The following CYP7B1 variants were observed in gnomAD, a reference collection of about 807,000 sequenced individuals.
CYP7B1 encodes cytochrome P450 family 7 subfamily B member 1, also known as cytochrome P450 7B1.
A neutral mutation model predicts 42.7 loss-of-function variants in CYP7B1; 29 were observed. That is an observed-to-expected ratio of 0.68 (90% CI 0.51 to 0.93). The LOEUF is 0.93. CYP7B1 is among the 40% of genes least tolerant of loss of function. The pLI, the probability that CYP7B1 is intolerant of heterozygous loss-of-function variation, is 0.00. For missense variants in CYP7B1, 655 were observed against 600.5 expected, an observed-to-expected ratio of 1.09 and a Z score of -0.95; for synonymous variants, 235 against 218.2, an observed-to-expected ratio of 1.08 and a Z score of -0.68.
At chr8:64,792,808 G>A (rs1056859956) in intron 1 of CYP7B1, among the ~76,000 whole-genome samples, 5 of 152,182 alleles carry the variant, frequency 3.3e-5, no homozygotes, top group African/African-American at 1.2e-4. Flanking sequence ...TGGACTTTGA[G>A]CTGATACTGT....
intron 1 of CYP7B1, among the ~76,000 whole-genome samples, chr8:64,770,254 T>A (rs566460217): frequency 2.6e-5 from 4 of 151,998 alleles, no homozygotes; most frequent in South Asian, 2.1e-4. Flanking sequence ...CAAAAAAAAA[T>A]TTGGAAAAAA....
chr8:64,792,834 T>G (rs1804641840), intron 1 of CYP7B1, among the ~76,000 whole-genome samples: 1 of 152,084 alleles, frequency 6.6e-6, no homozygotes, highest in Non-Finnish European at 1.5e-5. Context: ...GGTTAAGAAT[T>G]TTGGGTCTAT....
rs569189527 is a variant in CYP7B1, at chr8:64,749,870, AATATG to A, written c.122+48591_122+48595del. Among the ~76,000 whole-genome samples, 15 of 152,312 alleles carry A rather than the reference AATATG, an allele frequency of 9.8e-5. 1 individual carries two copies. In the East Asian group the frequency reaches 2.9e-3, roughly 29 times the overall value. On this transcript the variant is annotated intron_variant, in intron 1 of 5. Transcript: ENST00000310193. ...AGGAAGCTCAATATCTCTAGGGGAA[AATATG>A]ATACGGGAGTTGGAAATCCTCCACT...
rs1205743175 is a variant in CYP7B1 at position 64,615,048 on chromosome 8, T to C, written c.1035A>G (p.Gln345=). 1 of 1,613,544 alleles carries C rather than the reference T, an allele frequency of 6.2e-7. No homozygotes were observed. The highest frequency in any genetic ancestry group is 8.5e-7 in the Non-Finnish European group (1 of 1,179,726). The change falls in exon 4 of 6, where the codon CAA becomes CAG. Residue 345 remains glutamine, a synonymous_variant. Coordinates refer to ENST00000310193, the MANE Select transcript of CYP7B1 (RefSeq NM_004820.5). ...TACCTAGGCAGATTAGGCTGTCCAA[T>C]TGTTCTCTGGTGAGGTGGATGGGAA... ...SGFPIHLTRE[Q]LDSLICLESS...
intron 1 of CYP7B1, among the ~76,000 whole-genome samples, chr8:64,759,691 T>C (rs1007950433): frequency 2.0e-5 from 3 of 152,208 alleles, no homozygotes; most frequent in Non-Finnish European, 4.4e-5. Flanking sequence ...AAATTCTTTA[T>C]TTTACAGATA....
intron 1 of CYP7B1, among the ~76,000 whole-genome samples, chr8:64,636,116 A>T (rs1805766720): frequency 6.6e-6 from 1 of 152,194 alleles, no homozygotes; most frequent in Non-Finnish European, 1.5e-5. Context: ...CACACCACTC[A>T]AGTGCCTTTC....
intron 1 of CYP7B1, among the ~76,000 whole-genome samples, chr8:64,643,130 T>TATATAC (rs1805886956): frequency 7.6e-6 from 1 of 131,126 alleles, no homozygotes; most frequent in Admixed American, 8.7e-5. Context: ...CATATATACA[T>TATATAC]ATATATACAT....
At chr8:64,654,926 A>T (rs529062076) in intron 1 of CYP7B1, among the ~76,000 whole-genome samples, 1 of 152,172 alleles carries the variant, frequency 6.6e-6, no homozygotes, top group Admixed American at 6.5e-5. Context: ...TGAGGAAAAC[A>T]TTCCCTCCTC....
chr8:64,771,432 T>C (rs1344569614), intron 1 of CYP7B1, among the ~76,000 whole-genome samples: 1 of 152,220 alleles, frequency 6.6e-6, no homozygotes, highest in Non-Finnish European at 1.5e-5. Context: ...GTTTGGAGTC[T>C]ACACGTTTTG....
At chr8:64,776,909 G>A (rs1181627082) in intron 1 of CYP7B1, among the ~76,000 whole-genome samples, 2 of 151,940 alleles carry the variant, frequency 1.3e-5, no homozygotes, top group African/African-American at 2.4e-5. Context: ...ATACCTCCTT[G>A]GTTCAATCAT....
At chr8:64,662,089 C>T (rs963942716) in intron 1 of CYP7B1, among the ~76,000 whole-genome samples, 1 of 151,470 alleles carries the variant, frequency 6.6e-6, no homozygotes, top group Admixed American at 6.6e-5. Flanking sequence ...TCAACTTTAC[C>T]CCTATAAAGA....
At chr8:64,588,903 A>G (rs1355266723), downstream of CYP7B1, among the ~76,000 whole-genome samples, 2 of 152,254 alleles carry the variant, frequency 1.3e-5, no homozygotes, top group Admixed American at 6.5e-5. Flanking sequence ...ATATCTATCT[A>G]TTAAATGCCT....
downstream of CYP7B1, among the ~76,000 whole-genome samples, chr8:64,588,009 G>C (rs1445999410): frequency 6.6e-6 from 1 of 152,142 alleles, no homozygotes; most frequent in African/African-American, 2.4e-5. Context: ...CTTTCCCAAA[G>C]ACCACAGTTG....
chr8:64,710,096 T>C (rs1232188028), intron 1 of CYP7B1, among the ~76,000 whole-genome samples: 3 of 152,188 alleles, frequency 2.0e-5, no homozygotes, highest in Non-Finnish European at 4.4e-5. Flanking sequence ...TCAGGCTCGC[T>C]GATTCCATTA....
chr8:64,609,468 T>C (rs1372797065), intron 4 of CYP7B1, among the ~76,000 whole-genome samples: 1 of 152,200 alleles, frequency 6.6e-6, no homozygotes, highest in Non-Finnish European at 1.5e-5. Flanking sequence ...AAAAGTCTAA[T>C]CATTCTTCCA....
At chr8:64,741,388 C>T (rs1053744753) in intron 1 of CYP7B1, among the ~76,000 whole-genome samples, 3 of 152,070 alleles carry the variant, frequency 2.0e-5, no homozygotes, top group Non-Finnish European at 2.9e-5. Context: ...GGCGCGATCT[C>T]GGCTCACTGC....
At chr8:64,658,403 A>T (rs10454355) in intron 1 of CYP7B1, among the ~76,000 whole-genome samples, 9,971 of 152,202 alleles carry the variant, frequency 0.066, 397 homozygotes, top group South Asian at 0.16. Flanking sequence ...AAGTTTTTTT[A>T]AATAAAAACT....
chr8:64,697,396 C>A (rs1159060027), intron 1 of CYP7B1, among the ~76,000 whole-genome samples: 1 of 152,070 alleles, frequency 6.6e-6, no homozygotes, highest in Non-Finnish European at 1.5e-5. Context: ...TGTAAGCCCC[C>A]CTCCCGCTGT....
At chr8:64,671,193 C>A (rs375006151) in intron 1 of CYP7B1, among the ~76,000 whole-genome samples, 1 of 151,858 alleles carries the variant, frequency 6.6e-6, no homozygotes, top group African/African-American at 2.4e-5. Flanking sequence ...TCCATGTATA[C>A]ACAAAATAAA....
Sources: gnomAD v4.1 joint callset for allele counts (sites outside exome capture counted in the v4.1 genomes callset) on GRCh38, gnomAD v4.1.1 for gene constraint, MANE v1.5 for transcripts, NCBI Gene and HGNC (gene_info 2026-07-23, HGNC 2026-07-21) for gene names.